Variants in MACF1 observed in about 807,000 individuals in gnomAD.
MACF1 encodes the protein microtubule actin crosslinking factor 1, also known as microtubule-actin cross-linking factor 1.
In MACF1, 193 loss-of-function variants were observed where a neutral mutation model predicts 854.8. That is an observed-to-expected ratio of 0.23 (90% CI 0.20 to 0.25). The LOEUF (loss-of-function observed/expected upper bound fraction) is 0.25. MACF1 is among the 10% of genes least tolerant of loss of function. MACF1 has a pLI of 1.00. For missense variants in MACF1, 7,722 were observed against 8,929.1 expected (o/e 0.86, Z 5.45); for synonymous variants, 3,185 against 3,226.7 (o/e 0.99, Z 0.44).
In MACF1 at chr1:39,105,346, A is replaced by C. The variant is rs1642201098; in HGVS notation, c.220+20908A>C. Reference sequence around the variant, plus strand: ...AGCCGCCGCCGCCGCCCGCCGCTGCAGCCGCGCCGGGGCGGGCTGAGGGAG... The same window carrying C: ...AGCCGCCGCCGCCGCCCGCCGCTGCCGCCGCGCCGGGGCGGGCTGAGGGAG... On this transcript the variant is annotated intron_variant, in intron 2 of 93. Coordinates refer to the MACF1 transcript ENST00000361689. The surrounding 1 kb of genome is among the most constrained non-coding windows in gnomAD (Gnocchi z 5.9). 6 of 944,468 alleles carry C rather than the reference A, an allele frequency of 6.4e-6. No homozygotes were observed. Among genetic ancestry groups the C allele is most frequent in the Non-Finnish European group, 7.6e-6 (6 of 793,350 alleles). The allele number at this position is 944,468 out of a possible 1,614,324, so 58.5% of individuals were successfully genotyped here. A position where few individuals can be genotyped will look rare whatever the true frequency, so the allele number is the denominator to read the frequency against.
intron 31 of MACF1, among the ~76,000 whole-genome samples, chr1:39,319,998 G>A (rs1242465512): frequency 6.6e-6 from 1 of 152,100 alleles, no homozygotes; most frequent in South Asian, 2.1e-4. Context: ...ACTTAACATG[G>A]CAAAAACAGA....
At chr1:39,455,175 G>GT (rs1644411480) in intron 89 of MACF1, 78 bp downstream of exon 89, 1 of 1,383,858 alleles carries the variant, frequency 7.2e-7, no homozygotes, top group South Asian at 1.3e-5. Flanking sequence ...CTGTGTATAT[G>GT]TTTTTAAATG....
intron 90 of MACF1, 142 bp downstream of exon 90, chr1:39,458,632 T>A (rs1644490037): frequency 2.8e-6 from 3 of 1,070,486 alleles, no homozygotes; most frequent in Admixed American, 2.9e-5. Context: ...TTTTTGAAAC[T>A]CACTTTTCTT....
chr1:39,402,958 C>G (rs1259606249), intron 58 of MACF1, among the ~76,000 whole-genome samples: 1 of 152,118 alleles, frequency 6.6e-6, no homozygotes, highest in Non-Finnish European at 1.5e-5. Flanking sequence ...TGTCTCTTCT[C>G]TTCTCTCTGC....
intron 1 of MACF1, 57 bp downstream of exon 1, chr1:39,205,188 G>A: frequency 1.4e-6 from 1 of 700,506 alleles, no homozygotes; most frequent in Non-Finnish European, 2.6e-6. Flanking sequence ...TTGAGGGTGG[G>A]GTGAATGATG....
intron 2 of MACF1, among the ~76,000 whole-genome samples, chr1:39,171,412 T>C (rs1018749920): frequency 6.6e-6 from 1 of 152,154 alleles, no homozygotes; most frequent in Admixed American, 6.5e-5. Context: ...GGAAATCCCA[T>C]ATCCATTAAG....
rs192645121 is a variant in MACF1 at position 39,304,610 on chromosome 1, C to G, written c.2789+1532C>G. The G allele has an allele frequency of 1.9e-4, 118 of 613,718 alleles. 1 individual carries two copies. The African/African-American group carries it at 2.2e-3, about 12-fold the overall frequency. 38.0% of individuals were successfully genotyped at this position (613,718 alleles called of 1,614,324 possible). Reference sequence around the variant, plus strand: ...ACAGAGCCTTGCTCTGTCGCTCAGGCTGGAGTGCAGTGGCACTATTTCAGC... The same window carrying G: ...ACAGAGCCTTGCTCTGTCGCTCAGGGTGGAGTGCAGTGGCACTATTTCAGC... On this transcript the variant is annotated intron_variant, in intron 23 of 100. Coordinates refer to ENST00000564288, the MANE Select transcript of MACF1 (RefSeq NM_001394062.1).
chr1:39,380,055 A>G (rs1650043904), intron 54 of MACF1, among the ~76,000 whole-genome samples, 189 bp from the exon 55 acceptor site: 1 of 152,208 alleles, frequency 6.6e-6, no homozygotes, highest in African/African-American at 2.4e-5. Flanking sequence ...AGATCCTGCC[A>G]TTTAGATTTT....
At chr1:39,166,502 G>C (rs902318627) in intron 2 of MACF1, among the ~76,000 whole-genome samples, 1 of 151,618 alleles carries the variant, frequency 6.6e-6, no homozygotes, top group South Asian at 2.1e-4. Context: ...TATTGCCCAG[G>C]CTGGAGTGCA....
At chr1:39,431,661 A>G (rs550576339) in intron 66 of MACF1, among the ~76,000 whole-genome samples, 1 of 152,270 alleles carries the variant, frequency 6.6e-6, no homozygotes, top group South Asian at 2.1e-4. Context: ...GCCAAGTTGA[A>G]GAGGAAGAGA....
At chr1:39,304,440 C>A in intron 23 of MACF1, 1 of 1,399,716 alleles carries the variant, frequency 7.1e-7, no homozygotes, top group Non-Finnish European at 1.0e-6. Flanking sequence ...CCACCCTTTC[C>A]TTTAGAACCT....
intron 2 of MACF1, among the ~76,000 whole-genome samples, chr1:39,095,281 G>A (rs1024213007): frequency 1.3e-5 from 2 of 151,958 alleles, no homozygotes; most frequent in Non-Finnish European, 2.9e-5. Flanking sequence ...GGGGGAAGGC[G>A]GCTGGGTGCG....
rs747761963 is a variant in MACF1 at position 39,459,311 on chromosome 1, C to T, written c.21360+62C>T. On this transcript the variant is annotated intron_variant, in intron 91 of 100. Coordinates refer to ENST00000564288, the MANE Select transcript of MACF1 (RefSeq NM_001394062.1). Reference sequence around the variant, plus strand: ...TGCTTTTTTCAATCAAAACACAGCCCTTCTGAGGCTCTCTTAATGTGAACC... The same window carrying T: ...TGCTTTTTTCAATCAAAACACAGCCTTTCTGAGGCTCTCTTAATGTGAACC... The T allele has an allele frequency of 2.0e-6, 3 of 1,503,400 alleles. No homozygotes were observed. The Admixed American group carries it at 6.4e-5, about 32-fold the overall frequency. 93.1% of individuals were successfully genotyped at this position (1,503,400 alleles called of 1,614,324 possible).
chr1:39,217,654 G>A (rs865818143), intron 1 of MACF1, among the ~76,000 whole-genome samples: 13 of 152,020 alleles, frequency 8.6e-5, no homozygotes, highest in African/African-American at 2.7e-4. Flanking sequence ...CAAGGAGGGC[G>A]GATCAGTTGA....
intron 92 of MACF1, among the ~76,000 whole-genome samples, chr1:39,461,268 T>TG (rs1419877293): frequency 6.6e-6 from 1 of 152,170 alleles, no homozygotes; most frequent in African/African-American, 2.4e-5. Context: ...TATTCCAAAC[T>TG]GTCACTATTC....
chr1:39,463,523 C>T (rs1431181879), intron 93 of MACF1, 89 bp from the exon 94 acceptor site: 2 of 853,768 alleles, frequency 2.3e-6, no homozygotes, highest in Admixed American at 2.1e-5. Context: ...AATGAATAGC[C>T]TCCCTGTTAA....
rs1350890585 is a variant in MACF1 at position 39,334,728 on chromosome 1, G to A, written c.8140G>A (p.Asp2714Asn). The change falls in exon 37 of 101, where the codon GAT becomes AAT. Residue 2714 changes from aspartate to asparagine, a missense_variant. Asp to Asn is a conservative substitution (Grantham distance 23). Transcript: ENST00000564288. Reference protein sequence around the residue: ...LASALEEKLVDENMVRIIASH... With the variant: ...LASALEEKLVNENMVRIIASH... ...ATCAGCTTTGGAAGAGAAACTGGTG[G>A]ATGAAAACATGGTCAGAATTATTGC... The A allele has an allele frequency of 6.2e-7, 1 of 1,614,012 alleles. No individual in the cohort carries two copies. The highest frequency in any genetic ancestry group is 8.5e-7 in the Non-Finnish European group (1 of 1,180,026).
intron 3 of MACF1, among the ~76,000 whole-genome samples, chr1:39,250,840 C>T (rs1314704420): frequency 6.6e-6 from 1 of 152,200 alleles, no homozygotes; most frequent in Non-Finnish European, 1.5e-5. Context: ...AAATCACCCA[C>T]TTGTAGGCCT....
chr1:39,221,464 T>C (rs946175288), intron 1 of MACF1, among the ~76,000 whole-genome samples: 2 of 152,186 alleles, frequency 1.3e-5, no homozygotes, highest in African/African-American at 4.8e-5. Context: ...AGATTCCAAC[T>C]GTCTGTGAGA....
Sources: gnomAD v4.1 joint callset for allele counts (sites outside exome capture counted in the v4.1 genomes callset) on GRCh38, gnomAD v4.1.1 for gene constraint, Gnocchi (gnomAD v3.1) non-coding constraint, MANE v1.5 for transcripts, NCBI Gene and HGNC (gene_info 2026-07-23, HGNC 2026-07-21) for gene names.